Variants in LMF1 observed in about 807,000 individuals in gnomAD.
LMF1 encodes transmembrane protein 112.
LMF1 carries 68 observed loss-of-function variants against 60.6 expected under a neutral mutation model. That is an observed-to-expected ratio of 1.12 (90% CI 0.92 to 1.37). LMF1 has a LOEUF of 1.37. Ranked by LOEUF, LMF1 falls within the 40% of genes most tolerant of loss-of-function variation. LMF1 has a pLI of 0.00. For missense variants in LMF1, 948 were observed against 767.2 expected, an observed-to-expected ratio of 1.24 and a Z score of -2.78; for synonymous variants, 418 against 324.7, an observed-to-expected ratio of 1.29 and a Z score of -3.09.
intron 10 of LMF1, chr16:855,559 A>T (rs4984949): frequency 5.4e-6 from 2 of 370,966 alleles, no homozygotes; most frequent in South Asian, 4.0e-5. Context: ...AGGCGCCAGG[A>T]GGAATTGTCA....
In LMF1 at chr16:897,521, C is replaced by A. The variant is rs998768536; in HGVS notation, c.664-4449G>T. ...ACCTGTAAACACAGGGAATTACTCGCGACAGGTCCTGCCTCCGCAGGAGAG... is the reference window on the plus strand; with the variant it reads ...ACCTGTAAACACAGGGAATTACTCGAGACAGGTCCTGCCTCCGCAGGAGAG... On this transcript the variant is annotated intron_variant, in intron 4 of 10. Coordinates refer to ENST00000262301, the MANE Select transcript of LMF1 (RefSeq NM_022773.4). This position sits in a 1 kb window ranked among gnomAD's most constrained non-coding sequence, Gnocchi z 4.3. 6.6e-6 allele frequency among the ~76,000 whole-genome samples: 1 copy of A among 152,204 alleles called. No homozygotes were observed. The highest frequency in any genetic ancestry group is 2.4e-5 in the African/African-American group (1 of 41,460).
At chr16:881,095 C>CG (rs2070149982) in intron 5 of LMF1, among the ~76,000 whole-genome samples, 1 of 152,166 alleles carries the variant, frequency 6.6e-6, no homozygotes, top group Admixed American at 6.5e-5. Context: ...ACGTGGAAGT[C>CG]GGGGCCCCCA....
chr16:955,977 C>T lies in LMF1; in HGVS notation c.194-1311G>A, dbSNP rs530130431. On this transcript the variant is annotated intron_variant, in intron 1 of 10. Transcript: ENST00000262301. ...CGGCTCTCTCACATCCACAGGTCTCCGAGTTCACGTCTCACGGCGCCCACC... is the reference window on the plus strand; with the variant it reads ...CGGCTCTCTCACATCCACAGGTCTCTGAGTTCACGTCTCACGGCGCCCACC... Among the ~76,000 whole-genome samples, 146 of 148,422 alleles carry T rather than the reference C, an allele frequency of 9.8e-4. 4 individuals carry two copies. Among genetic ancestry groups the T allele is most frequent in the Non-Finnish European group, 6.7e-4 (45 of 66,698 alleles).
At chr16:916,085 G>A (rs553070320) in intron 3 of LMF1, among the ~76,000 whole-genome samples, 204 of 152,306 alleles carry the variant, frequency 1.3e-3, no homozygotes, top group Middle Eastern at 3.4e-3. Context: ...GGGCTGAGCC[G>A]CCTCTGACCA....
chr16:934,362 G>A (rs1567270390), intron 2 of LMF1, 108 bp from the exon 3 acceptor site: 21 of 1,428,976 alleles, frequency 1.5e-5, no homozygotes, highest in Non-Finnish European at 1.8e-5. Context: ...CACGGTGTGG[G>A]GTCAGGGAAG....
chr16:946,974 C>T (rs1249874903), intron 2 of LMF1, among the ~76,000 whole-genome samples: 1 of 152,240 alleles, frequency 6.6e-6, no homozygotes, highest in Non-Finnish European at 1.5e-5. Context: ...CCCGTCTAGC[C>T]AGGAAGGTAA....
intron 1 of LMF1, chr16:976,858 C>T (rs755758281): frequency 2.2e-6 from 1 of 454,114 alleles, no homozygotes; most frequent in South Asian, 1.6e-5. Flanking sequence ...ATGCGAACAG[C>T]CTGGGCAGGG....
In LMF1 at chr16:878,984, C is replaced by T. The variant is rs534690190; in HGVS notation, c.897+586G>A. Among the ~76,000 whole-genome samples the T allele has an allele frequency of 3.9e-5, 6 of 152,144 alleles. No homozygotes were observed. Among genetic ancestry groups the T allele is most frequent in the Admixed American group, 2.0e-4 (3 of 15,278 alleles). The stretch of plus-strand genomic sequence containing the variant: ...AAAGGCTCGGGACTGGCCCAGCCCC[C>T]CTGGAGGCAGCGTGGGGGTGCTCTG... On this transcript the variant is annotated intron_variant, in intron 6 of 10. Transcript: ENST00000262301. This position sits in a 1 kb window ranked among gnomAD's most constrained non-coding sequence, Gnocchi z 5.2.
intron 1 of LMF1, among the ~76,000 whole-genome samples, chr16:965,371 C>T (rs1257284197): frequency 6.6e-6 from 1 of 152,138 alleles, no homozygotes; most frequent in Non-Finnish European, 1.5e-5. Context: ...CCAGAAGAGC[C>T]TCATCCAGAG....
chr16:924,929 G>A lies in LMF1; in HGVS notation c.514+9315C>T, dbSNP rs186372768. 1.4e-4 allele frequency among the ~76,000 whole-genome samples: 22 copies of A among 152,384 alleles called. No individual in the cohort carries two copies. The South Asian group carries it at 3.9e-3, about 27-fold the overall frequency. ...AGTATTGAGGCCCAGGCGGGAGAAC[G>A]GATGCAGACCTGCTAGGGGGTGGCA... On this transcript the variant is annotated intron_variant, in intron 3 of 10. Coordinates refer to ENST00000262301, the MANE Select transcript of LMF1 (RefSeq NM_022773.4).
chr16:919,537 G>A (rs1437947338), intron 3 of LMF1, among the ~76,000 whole-genome samples: 2 of 65,706 alleles, frequency 3.0e-5, no homozygotes, highest in East Asian at 4.1e-4. Flanking sequence ...CCCGGAGGCC[G>A]CTGGGGGCAT....
At chr16:869,457 G>T (rs532696754) in intron 9 of LMF1, 7 of 544,690 alleles carry the variant, frequency 1.3e-5, no homozygotes, top group Admixed American at 8.9e-5. Flanking sequence ...GCTGAGACAG[G>T]GTCTGGCTCC....
chr16:873,163 T>C (rs1209251825), intron 6 of LMF1: 1 of 152,292 alleles, frequency 6.6e-6, no homozygotes, highest in African/African-American at 2.4e-5. Context: ...TCTGGTCGGC[T>C]GTTTTGTTAT....
chr16:976,910 C>G (rs553256), intron 1 of LMF1: 40 of 453,998 alleles, frequency 8.8e-5, no homozygotes, highest in Non-Finnish European at 1.6e-4. Flanking sequence ...CGCGGGTTCA[C>G]GGATCAGGAG....
At chr16:955,729 T>C (rs2151479976) in intron 1 of LMF1, among the ~76,000 whole-genome samples, 1 of 152,306 alleles carries the variant, frequency 6.6e-6, no homozygotes, top group South Asian at 2.1e-4. Context: ...CATGTGTATA[T>C]AAATTGCGTG....
intron 2 of LMF1, among the ~76,000 whole-genome samples, chr16:949,774 A>G (rs2072388400): frequency 9.1e-6 from 1 of 109,440 alleles, no homozygotes; most frequent in Admixed American, 8.8e-5. Context: ...TGACAGAGTC[A>G]GCCAATGACA....
chr16:860,516 T>G (rs2069429811), intron 10 of LMF1, among the ~76,000 whole-genome samples: 1 of 152,060 alleles, frequency 6.6e-6, no homozygotes, highest in Non-Finnish European at 1.5e-5. Flanking sequence ...ATTTTTTGTG[T>G]TTTTAGTAGA....
intron 2 of LMF1, among the ~76,000 whole-genome samples, chr16:939,089 C>A (rs72759489): frequency 0.033 from 4,997 of 152,202 alleles, 103 homozygotes; most frequent in East Asian, 0.046. Flanking sequence ...CAAAGGGGAA[C>A]GGCAAAGGCA....
intron 10 of LMF1, chr16:855,184 C>T (rs535920463): frequency 9.5e-5 from 23 of 242,824 alleles, no homozygotes; most frequent in South Asian, 6.4e-4. Context: ...CGGGGCAGTC[C>T]GAGGCTGTGA....
Sources: allele counts gnomAD v4.1 joint callset (sites outside exome capture counted in the v4.1 genomes callset), GRCh38; gene constraint gnomAD v4.1.1; non-coding constraint Gnocchi (gnomAD v3.1); transcripts MANE v1.5; gene names NCBI Gene and HGNC (gene_info 2026-07-23, HGNC 2026-07-21).